Variants in AOPEP observed in about 807,000 individuals in gnomAD.
AOPEP encodes the protein aminopeptidase O (putative), also known as aminopeptidase O.
In AOPEP, 77 loss-of-function variants were observed where a neutral mutation model predicts 98.1. That is an observed-to-expected ratio of 0.78 (90% confidence interval 0.65 to 0.95). The LOEUF is 0.95. Among genes scored for constraint, AOPEP ranks in the 40% least tolerant of loss-of-function variants. The pLI, the probability that AOPEP is intolerant of heterozygous loss-of-function variation, is 0.00. For missense variants in AOPEP, 1,024 were observed against 1,024.7 expected, an observed-to-expected ratio of 1.00 and a Z score of 0.01; for synonymous variants, 346 against 365.3, an observed-to-expected ratio of 0.95 and a Z score of 0.60.
intron 5 of AOPEP, among the ~76,000 whole-genome samples, chr9:94,830,592 T>C (rs1855741074): frequency 6.6e-6 from 1 of 152,252 alleles, no homozygotes; most frequent in South Asian, 2.1e-4. Context: ...TTGGGTCGAA[T>C]GGTATTTCTG....
At chr9:94,736,873 A>G (rs1005357320) in intron 1 of AOPEP, among the ~76,000 whole-genome samples, 3 of 152,188 alleles carry the variant, frequency 2.0e-5, no homozygotes, top group African/African-American at 7.2e-5. Context: ...CTGAACTTGC[A>G]TGTGACTAGG....
At chr9:95,047,366 C>A (rs2065943895) in intron 13 of AOPEP, among the ~76,000 whole-genome samples, 1 of 152,114 alleles carries the variant, frequency 6.6e-6, no homozygotes, top group Non-Finnish European at 1.5e-5. Context: ...TAAATGGATG[C>A]AGATTATTTA....
chr9:94,765,439 A>AAATAAT (rs370305424), intron 2 of AOPEP, among the ~76,000 whole-genome samples: 16,653 of 123,636 alleles, frequency 0.13, 1,329 homozygotes, highest in South Asian at 0.23. Context: ...TTCTCTACAA[A>AAATAAT]AATAATAATA....
chr9:95,033,970 T>C (rs991725730), intron 13 of AOPEP, among the ~76,000 whole-genome samples: 1 of 152,192 alleles, frequency 6.6e-6, no homozygotes, highest in East Asian at 1.9e-4. Context: ...GATTTAAAAA[T>C]CTTATATATT....
chr9:94,735,807 C>T (rs1004447612), intron 1 of AOPEP, among the ~76,000 whole-genome samples: 3 of 152,162 alleles, frequency 2.0e-5, no homozygotes, highest in African/African-American at 7.2e-5. Flanking sequence ...AATCCCTGTA[C>T]TGATTGGCAG....
intron 5 of AOPEP, among the ~76,000 whole-genome samples, chr9:94,825,772 G>A (rs1032805800): frequency 4.6e-5 from 7 of 152,210 alleles, no homozygotes; most frequent in Admixed American, 3.3e-4. Flanking sequence ...CATGGTTAAA[G>A]TTAAGGTTGT....
At chr9:94,739,427 C>A (rs944823086) in intron 1 of AOPEP, among the ~76,000 whole-genome samples, 5 of 152,018 alleles carry the variant, frequency 3.3e-5, no homozygotes, top group Non-Finnish European at 7.4e-5. Flanking sequence ...GGCAGATCAC[C>A]TGATATCAGG....
At chr9:95,125,386 G>A in the AOPEP span, among the ~76,000 whole-genome samples, 110 of 152,286 alleles carry the variant, frequency 7.2e-4, no homozygotes, top group African/African-American at 2.5e-3. Flanking sequence ...AAATTGCAAC[G>A]TGCAGAGCTC....
At chr9:95,089,526 C>T (rs537921237), downstream of AOPEP, among the ~76,000 whole-genome samples, 2 of 152,346 alleles carry the variant, frequency 1.3e-5, no homozygotes, top group African/African-American at 2.4e-5. Context: ...CTTTCCTCCA[C>T]GCCACAATGC....
At chr9:95,033,972 TTATA>T (rs2064550709) in intron 13 of AOPEP, among the ~76,000 whole-genome samples, 1 of 152,200 alleles carries the variant, frequency 6.6e-6, no homozygotes, top group South Asian at 2.1e-4. Flanking sequence ...TTTAAAAATC[TTATA>T]TATTGTTTTC....
chr9:95,129,785 C>T, the AOPEP span, among the ~76,000 whole-genome samples: 2 of 152,286 alleles, frequency 1.3e-5, no homozygotes, highest in African/African-American at 4.8e-5. Flanking sequence ...TATCTCCCCC[C>T]TCAGGCTTTT....
intron 13 of AOPEP, among the ~76,000 whole-genome samples, chr9:95,056,832 C>G (rs1330780568): frequency 2.0e-5 from 3 of 152,196 alleles, no homozygotes; most frequent in Non-Finnish European, 4.4e-5. Context: ...AGCATTTGTA[C>G]TTGACTGACC....
At chr9:95,063,086 A>C (rs73654503) in intron 14 of AOPEP, among the ~76,000 whole-genome samples, 7 of 152,286 alleles carry the variant, frequency 4.6e-5, no homozygotes, top group Admixed American at 3.9e-4. Context: ...CCTCAGGACT[A>C]TGGGCGGGTG....
Position 94,940,748 on chromosome 9 carries a change from G to A in AOPEP, c.1661+12217G>A, listed in dbSNP as rs534688932. Among the ~76,000 whole-genome samples, 3 of 152,274 alleles carry A rather than the reference G, an allele frequency of 2.0e-5. No homozygotes were observed. In the East Asian group the frequency reaches 5.8e-4, roughly 29 times the overall value. On this transcript the variant is annotated intron_variant, in intron 7 of 16. Transcript: ENST00000375315. ...TCCAACAAGTGGCAGAGGGCACAGGGACACAGCCCCCACTGCCCCTCCTGG... is the reference window on the plus strand; with the variant it reads ...TCCAACAAGTGGCAGAGGGCACAGGAACACAGCCCCCACTGCCCCTCCTGG...
chr9:95,052,554 T>C (rs960928504), intron 13 of AOPEP, among the ~76,000 whole-genome samples: 8 of 152,232 alleles, frequency 5.3e-5, no homozygotes, highest in Non-Finnish European at 1.5e-5. Context: ...ATTTTGTGCA[T>C]AGTATAGATT....
At chr9:94,998,739 C>T (rs138648706) in intron 11 of AOPEP, among the ~76,000 whole-genome samples, 4 of 152,288 alleles carry the variant, frequency 2.6e-5, no homozygotes, top group African/African-American at 7.2e-5. Context: ...TTTGCATTCA[C>T]GAAATCTAGT....
At chr9:95,036,325 A>G (rs1373373790) in intron 13 of AOPEP, among the ~76,000 whole-genome samples, 2 of 152,240 alleles carry the variant, frequency 1.3e-5, no homozygotes, top group Non-Finnish European at 2.9e-5. Context: ...GTTATAATTC[A>G]TGAAGATGGA....
chr9:95,042,962 C>T (rs895764470), intron 13 of AOPEP, among the ~76,000 whole-genome samples: 2 of 152,000 alleles, frequency 1.3e-5, no homozygotes, highest in South Asian at 2.1e-4. Context: ...TTGACAAATA[C>T]AGAGTGTAGT....
chr9:94,726,835 G>A (rs1166177869), intron 1 of AOPEP, 84 bp downstream of exon 1: 4 of 152,310 alleles, frequency 2.6e-5, no homozygotes, highest in Admixed American at 2.6e-4. Flanking sequence ...ATTCCGTTCT[G>A]AAGGCGACGG....
Sources: gnomAD v4.1 joint callset for allele counts (sites outside exome capture counted in the v4.1 genomes callset) on GRCh38, gnomAD v4.1.1 for gene constraint, MANE v1.5 for transcripts, NCBI Gene and HGNC (gene_info 2026-07-23, HGNC 2026-07-21) for gene names.